The following ZNF521 variants were observed in gnomAD, a reference collection of about 807,000 sequenced individuals.
ZNF521 encodes the protein LYST-interacting protein 3.
A neutral mutation model predicts 105.5 loss-of-function variants in ZNF521; 14 were observed. The ratio of observed to expected loss-of-function variants is 0.13; its 90% CI spans 0.09 to 0.21. The LOEUF is 0.21. Ranked by LOEUF, ZNF521 falls within the 10% of genes least tolerant of loss-of-function variation. ZNF521 has a pLI of 1.00. For missense variants in ZNF521, 1,233 were observed against 1,629.7 expected (o/e 0.76, Z 4.19); for synonymous variants, 635 against 606.0 (o/e 1.05, Z -0.70).
At chr18:25,224,211 A>T in intron 4 of ZNF521, 134 bp downstream of exon 4, 1 of 895,458 alleles carries the variant, frequency 1.1e-6, no homozygotes, top group East Asian at 2.6e-5. Context: ...TATGGGGGAA[A>T]AAGAAACCCA....
At chr18:25,062,784 A>AAAAAAG (rs1567944027) in intron 7 of ZNF521, 43 bp from the exon 8 acceptor site, 1 of 1,358,952 alleles carries the variant, frequency 7.4e-7, no homozygotes, top group Non-Finnish European at 9.7e-7. Context: ...AAAAAAAAAA[A>AAAAAAG]AGAGAAGAGA....
intron 4 of ZNF521, chr18:25,202,352 G>C (rs1322625509): frequency 6.6e-6 from 1 of 152,002 alleles, no homozygotes; most frequent in Non-Finnish European, 1.5e-5. Flanking sequence ...TATTTACATA[G>C]CGCTTATATT....
chr18:25,152,374 G>T (rs2144491689), intron 5 of ZNF521, among the ~76,000 whole-genome samples: 1 of 151,974 alleles, frequency 6.6e-6, no homozygotes, highest in South Asian at 2.1e-4. Context: ...AGCTACTCGG[G>T]AGGCTGATGT....
At chr18:25,132,320 G>A (rs1374640487) in intron 5 of ZNF521, among the ~76,000 whole-genome samples, 1 of 152,064 alleles carries the variant, frequency 6.6e-6, no homozygotes, top group Non-Finnish European at 1.5e-5. Flanking sequence ...CATTTCCTTG[G>A]AGTCACTAAC....
intron 4 of ZNF521, among the ~76,000 whole-genome samples, chr18:25,205,586 G>T (rs1466507750): frequency 6.6e-6 from 1 of 152,112 alleles, no homozygotes; most frequent in Non-Finnish European, 1.5e-5. Flanking sequence ...AGAGGTGAAG[G>T]AGTAGCGACA....
intron 4 of ZNF521, among the ~76,000 whole-genome samples, chr18:25,205,412 A>G (rs566773669): frequency 1.5e-4 from 23 of 152,312 alleles, no homozygotes; most frequent in Non-Finnish European, 2.4e-4. Context: ...TGAGAAGGAA[A>G]AGAGAAGTCA....
At chr18:25,298,504 C>T (rs536422643) in intron 3 of ZNF521, among the ~76,000 whole-genome samples, 14 of 152,248 alleles carry the variant, frequency 9.2e-5, no homozygotes, top group African/African-American at 2.9e-4. Flanking sequence ...CTTCTTCCTG[C>T]CTATCACAAG....
chr18:25,226,065 T>C lies in ZNF521; in HGVS notation c.1853A>G (p.Lys618Arg). 4 of 1,614,196 alleles carry C rather than the reference T, an allele frequency of 2.5e-6. No individual in the cohort carries two copies. Among genetic ancestry groups the C allele is most frequent in the Non-Finnish European group, 3.4e-6 (4 of 1,180,020 alleles). The change falls in exon 4 of 8, where the codon AAG (lysine) becomes AGG (arginine). Residue 618 changes from lysine to arginine, a missense_variant. Coordinates refer to ENST00000361524, the MANE Select transcript of ZNF521 (RefSeq NM_015461.3). The surrounding 1 kb of genome is among the most constrained non-coding windows in gnomAD (Gnocchi z 4.1). ...TGCACCTCCTACTGCCTGCATCATC[T>C]TAAGAGATGTCTGCTCTATGGCCAC... ...SPVAIEQTSL[K>R]MMQAVGGAPA...
At chr18:25,162,546 A>G (rs183888679) in intron 5 of ZNF521, among the ~76,000 whole-genome samples, 343 of 152,330 alleles carry the variant, frequency 2.3e-3, no homozygotes, top group Non-Finnish European at 3.7e-3. Context: ...TTGCATGCCA[A>G]TACATTTTTA....
At chr18:25,242,036 T>C (rs1230510414) in intron 3 of ZNF521, among the ~76,000 whole-genome samples, 2 of 152,218 alleles carry the variant, frequency 1.3e-5, no homozygotes, top group Non-Finnish European at 2.9e-5. Context: ...ATTTACTGCA[T>C]CAGTGATCGA....
At chr18:25,308,550 C>G (rs1912112308) in intron 3 of ZNF521, among the ~76,000 whole-genome samples, 1 of 151,976 alleles carries the variant, frequency 6.6e-6, no homozygotes, top group African/African-American at 2.4e-5. Flanking sequence ...ACCTGAAGCA[C>G]CTCTTCCCCT....
chr18:25,205,462 T>C (rs1256653783), intron 4 of ZNF521, among the ~76,000 whole-genome samples: 1 of 152,216 alleles, frequency 6.6e-6, no homozygotes, highest in East Asian at 1.9e-4. Flanking sequence ...ATTTTCCTCA[T>C]CAATTATTCT....
At chr18:25,308,851 T>C (rs1048720331) in intron 3 of ZNF521, among the ~76,000 whole-genome samples, 3 of 152,136 alleles carry the variant, frequency 2.0e-5, no homozygotes, top group Non-Finnish European at 2.9e-5. Flanking sequence ...GTGGATGGTC[T>C]TCTTAGTGTA....
At chr18:25,069,099 C>T (rs769851866) in intron 7 of ZNF521, among the ~76,000 whole-genome samples, 8 of 152,100 alleles carry the variant, frequency 5.3e-5, no homozygotes, top group Non-Finnish European at 1.0e-4. Context: ...ATCTCTGGTT[C>T]GAATCAATAT....
chr18:25,062,592 T>C lies in ZNF521; in HGVS notation c.*120A>G. On this transcript the variant is annotated 3_prime_UTR_variant, in exon 8 of 8. Transcript: ENST00000361524. ...TCCAACAGTTTGATAATACAAGTTT[T>C]ATGGTACAATACAATGTTTCTGAAT... The C allele has an allele frequency of 7.5e-7, 1 of 1,334,134 alleles. No homozygotes were observed. The highest frequency in any genetic ancestry group is 1.3e-5 in the South Asian group (1 of 78,008). 82.6% of individuals were successfully genotyped at this position (1,334,134 alleles called of 1,614,324 possible). A position where few individuals can be genotyped will look rare whatever the true frequency, so the allele number is the denominator to read the frequency against.
chr18:25,315,410 T>C (rs947050508), intron 3 of ZNF521: 3 of 152,192 alleles, frequency 2.0e-5, no homozygotes, highest in Non-Finnish European at 1.5e-5. Context: ...CATCTGTGAG[T>C]GTCACCACGT....
intron 5 of ZNF521, among the ~76,000 whole-genome samples, chr18:25,156,515 C>G (rs1485941698): frequency 6.6e-6 from 1 of 152,136 alleles, no homozygotes; most frequent in Non-Finnish European, 1.5e-5. Flanking sequence ...TTTAAAAAGT[C>G]TAATGAGCAA....
intron 4 of ZNF521, among the ~76,000 whole-genome samples, chr18:25,221,299 A>G (rs1905709304): frequency 6.6e-6 from 1 of 152,180 alleles, no homozygotes; most frequent in Non-Finnish European, 1.5e-5. Flanking sequence ...CTTGTCTTTC[A>G]TCCATTTTTT....
intron 3 of ZNF521, among the ~76,000 whole-genome samples, chr18:25,271,998 A>G (rs1464178972): frequency 2.0e-5 from 3 of 152,090 alleles, no homozygotes; most frequent in Non-Finnish European, 4.4e-5. Flanking sequence ...GGGAGAAAAT[A>G]TTTGCAATCT....
Sources: gnomAD v4.1 joint callset for allele counts (sites outside exome capture counted in the v4.1 genomes callset) on GRCh38, gnomAD v4.1.1 for gene constraint, Gnocchi (gnomAD v3.1) non-coding constraint, MANE v1.5 for transcripts, NCBI Gene and HGNC (gene_info 2026-07-23, HGNC 2026-07-21) for gene names.